Variants in SRFBP1 observed in about 807,000 individuals in gnomAD.
SRFBP1 encodes the protein serum response factor-binding protein 1.
A neutral mutation model predicts 45.5 loss-of-function variants in SRFBP1; 47 were observed. That is an observed-to-expected ratio of 1.03 (90% CI 0.82 to 1.32). SRFBP1 has a LOEUF of 1.32. SRFBP1 is among the 40% of genes most tolerant of loss of function. The pLI, the probability that SRFBP1 is intolerant of heterozygous loss-of-function variation, is 0.00. For synonymous variants in SRFBP1, 203 were observed against 166.3 expected, an observed-to-expected ratio of 1.22 and a Z score of -1.70; for missense variants, 621 against 484.6, an observed-to-expected ratio of 1.28 and a Z score of -2.64.
downstream of SRFBP1, chr5:122,076,967 G>A (rs1754656079): frequency 1.9e-6 from 3 of 1,613,832 alleles, no homozygotes; most frequent in Non-Finnish European, 2.5e-6. Context: ...TGGACGCCTG[G>A]ATGTAGTAGG....
At chr5:122,025,758 C>T (rs1196080116) in intron 7 of SRFBP1, among the ~76,000 whole-genome samples, 2 of 152,138 alleles carry the variant, frequency 1.3e-5, no homozygotes, top group Non-Finnish European at 2.9e-5. Context: ...AAACAGTGCA[C>T]TGGTTTATAT....
intron 2 of SRFBP1, among the ~76,000 whole-genome samples, chr5:122,044,170 CT>C (rs1476659699): frequency 2.6e-5 from 4 of 152,164 alleles, no homozygotes; most frequent in Admixed American, 6.5e-5. Flanking sequence ...ATCCACATTG[CT>C]TCAAAGGACT....
chr5:122,025,113 C>G (rs1254984007), intron 7 of SRFBP1, among the ~76,000 whole-genome samples: 4 of 151,734 alleles, frequency 2.6e-5, no homozygotes, highest in Admixed American at 2.6e-4. Context: ...CCTCCCCACT[C>G]CCCCCACCCC....
chr5:122,029,154 A>G (rs1216558426), downstream of SRFBP1, among the ~76,000 whole-genome samples: 2 of 152,134 alleles, frequency 1.3e-5, no homozygotes, highest in African/African-American at 2.4e-5. Flanking sequence ...GGCTACATCT[A>G]GCAGATATAG....
downstream of SRFBP1, among the ~76,000 whole-genome samples, chr5:122,078,869 T>A (rs866708882): frequency 2.0e-5 from 3 of 152,208 alleles, no homozygotes. Context: ...TAACCAAAAG[T>A]GAAATTGTAC....
intron 4 of SRFBP1, among the ~76,000 whole-genome samples, chr5:122,017,350 T>A (rs919888095): frequency 1.3e-5 from 2 of 152,192 alleles, no homozygotes; most frequent in African/African-American, 4.8e-5. Flanking sequence ...CCTGTGTCTT[T>A]GAGCTACTGG....
chr5:121,991,649 T>C (rs2112671567), intron 3 of SRFBP1, among the ~76,000 whole-genome samples: 1 of 152,328 alleles, frequency 6.6e-6, no homozygotes, highest in Admixed American at 6.5e-5. Flanking sequence ...AACTTCATAA[T>C]ATATCATTTA....
At chr5:121,995,986 A>G (rs1256179209) in intron 4 of SRFBP1, among the ~76,000 whole-genome samples, 5 of 152,194 alleles carry the variant, frequency 3.3e-5, no homozygotes, top group Non-Finnish European at 7.3e-5. Context: ...CTCTTAGTAG[A>G]CCAATAACAG....
At chr5:122,023,815 T>C (rs1753413019) in intron 7 of SRFBP1, among the ~76,000 whole-genome samples, 1 of 152,248 alleles carries the variant, frequency 6.6e-6, no homozygotes, top group Non-Finnish European at 1.5e-5. Flanking sequence ...AGTGGATTTC[T>C]GACCTCTGTT....
At chr5:121,995,044 G>A (rs912199428) in intron 4 of SRFBP1, among the ~76,000 whole-genome samples, 1 of 151,410 alleles carries the variant, frequency 6.6e-6, no homozygotes, top group Non-Finnish European at 1.5e-5. Flanking sequence ...AAGAGACTTA[G>A]ACTCCCATAC....
At chr5:122,059,567 G>A (rs2152581109) in intron 2 of SRFBP1, among the ~76,000 whole-genome samples, 1 of 152,184 alleles carries the variant, frequency 6.6e-6, no homozygotes, top group East Asian at 1.9e-4. Flanking sequence ...GGTGAGAGTA[G>A]CAAGAGATAA....
In SRFBP1 at chr5:122,022,406, A is replaced by G; in HGVS notation, c.1104A>G (p.Leu368=). The part of the protein sequence containing the change: ...FKEQAPKTRS[L]DFPQNEPQIK... ...AACAGGCTCCAAAAACAAGATCCCT[A>G]GGTATGTATTCATAGTTGCCTGACC... Residue 368 remains leucine, a splice_region_variant and synonymous_variant, in exon 7 of 8, where the codon CTA becomes CTG. Transcript: ENST00000339397. 1 of 1,610,994 alleles carries G rather than the reference A, an allele frequency of 6.2e-7. No homozygotes were observed. Among genetic ancestry groups the G allele is most frequent in the Non-Finnish European group, 8.5e-7 (1 of 1,178,838 alleles).
chr5:121,966,379 G>A (rs2399731), intron 1 of SRFBP1, among the ~76,000 whole-genome samples: 12,582 of 152,126 alleles, frequency 0.083, 832 homozygotes, highest in African/African-American at 0.18. Flanking sequence ...GAGAATTTTT[G>A]ATTGCTTTTA....
intron 6 of SRFBP1, among the ~76,000 whole-genome samples, chr5:122,021,590 A>G (rs542363903): frequency 6.6e-6 from 1 of 152,198 alleles, no homozygotes; most frequent in South Asian, 2.1e-4. Flanking sequence ...TATATTTTCC[A>G]AACTTGCCTC....
chr5:122,014,014 G>A (rs964318003), intron 4 of SRFBP1, among the ~76,000 whole-genome samples: 5 of 152,052 alleles, frequency 3.3e-5, no homozygotes, highest in Admixed American at 1.3e-4. Flanking sequence ...TTTCAAAATA[G>A]CCAAAAGAGA....
chr5:122,010,077 G>A (rs939461590), intron 4 of SRFBP1, among the ~76,000 whole-genome samples: 4 of 152,088 alleles, frequency 2.6e-5, no homozygotes, highest in Non-Finnish European at 4.4e-5. Context: ...TGATTCAGTT[G>A]TGTCACATCA....
intron 2 of SRFBP1, among the ~76,000 whole-genome samples, chr5:122,067,183 C>G (rs1754323721): frequency 6.6e-6 from 1 of 151,860 alleles, no homozygotes; most frequent in South Asian, 2.1e-4. Flanking sequence ...GAAACTGGAC[C>G]AAAGCTAATC....
intron 2 of SRFBP1, among the ~76,000 whole-genome samples, chr5:122,040,258 T>C (rs917437014): frequency 6.6e-6 from 1 of 152,164 alleles, no homozygotes; most frequent in East Asian, 1.9e-4. Context: ...CCAGTGTGAA[T>C]TGGGCCTATA....
intron 4 of SRFBP1, among the ~76,000 whole-genome samples, chr5:122,010,074 G>A (rs995855375): frequency 7.2e-5 from 11 of 152,066 alleles, no homozygotes; most frequent in African/African-American, 2.7e-4. Flanking sequence ...GTTTGATTCA[G>A]TTGTGTCACA....
Sources: allele counts gnomAD v4.1 joint callset (sites outside exome capture counted in the v4.1 genomes callset), GRCh38; gene constraint gnomAD v4.1.1; transcripts MANE v1.5; gene names NCBI Gene and HGNC (gene_info 2026-07-23, HGNC 2026-07-21).